The following CSMD1 variants were observed in gnomAD, a reference collection of about 807,000 sequenced individuals.
The protein encoded by CSMD1 is CUB and sushi domain-containing protein 1.
In CSMD1, 213 loss-of-function variants were observed where a neutral mutation model predicts 417.5. The observed-to-expected ratio is 0.51, with a 90% CI of 0.46 to 0.57. The LOEUF (loss-of-function observed/expected upper bound fraction) is 0.57. Among genes scored for constraint, CSMD1 ranks in the 20% least tolerant of loss-of-function variants. CSMD1 has a pLI of 0.00. For missense variants in CSMD1, 6,923 were observed against 4,529.7 expected (o/e 1.53, Z -15.17); for synonymous variants, 2,862 against 1,736.8 (o/e 1.65, Z -16.11).
intron 3 of CSMD1, among the ~76,000 whole-genome samples, chr8:4,061,219 C>G (rs2130738159): frequency 6.6e-6 from 1 of 152,228 alleles, no homozygotes; most frequent in Non-Finnish European, 1.5e-5. Context: ...CCCAGCCCTG[C>G]TGATTAGAGA....
chr8:3,769,684 T>C (rs112401233), intron 5 of CSMD1, among the ~76,000 whole-genome samples: 2 of 152,166 alleles, frequency 1.3e-5, no homozygotes, highest in African/African-American at 4.8e-5. Context: ...ATATATATGA[T>C]GTGTGAATTC....
chr8:3,151,557 TC>T (rs1563089952), intron 39 of CSMD1, 44 bp from the exon 40 acceptor site: 5 of 1,277,616 alleles, frequency 3.9e-6, no homozygotes, highest in Non-Finnish European at 5.6e-6. Flanking sequence ...CCTCACTTTC[TC>T]CCTGGAATCT....
chr8:4,598,572 C>T (rs559429759), intron 2 of CSMD1, among the ~76,000 whole-genome samples: 1 of 152,212 alleles, frequency 6.6e-6, no homozygotes, highest in Non-Finnish European at 1.5e-5. Flanking sequence ...CACATTGGTT[C>T]AAGATTATAA....
intron 3 of CSMD1, among the ~76,000 whole-genome samples, chr8:4,054,101 C>T (rs1009817822): frequency 6.6e-6 from 1 of 152,158 alleles, no homozygotes; most frequent in African/African-American, 2.4e-5. Context: ...ACACCAGCTG[C>T]TAATGGTCTC....
At chr8:4,356,851 GC>G (rs2128904935) in intron 3 of CSMD1, among the ~76,000 whole-genome samples, 1 of 152,206 alleles carries the variant, frequency 6.6e-6, no homozygotes, top group East Asian at 1.9e-4. Flanking sequence ...AGCTATCTCT[GC>G]CCTTTCCTCT....
chr8:4,327,329 G>C (rs577432746), intron 3 of CSMD1, among the ~76,000 whole-genome samples: 44 of 152,242 alleles, frequency 2.9e-4, no homozygotes, highest in African/African-American at 1.0e-3. Flanking sequence ...GCAATTTTAA[G>C]AGAGAATCAG....
intron 6 of CSMD1, among the ~76,000 whole-genome samples, chr8:3,732,586 A>T (rs1796326492): frequency 6.6e-6 from 1 of 152,242 alleles, no homozygotes; most frequent in South Asian, 2.1e-4. Context: ...CAGGCAACGC[A>T]CCATGAAAGC....
At chr8:3,912,381 C>G (rs1233452806) in intron 5 of CSMD1, among the ~76,000 whole-genome samples, 1 of 152,152 alleles carries the variant, frequency 6.6e-6, no homozygotes, top group Non-Finnish European at 1.5e-5. Flanking sequence ...TCAAGGCAAT[C>G]TTCTAGCCAA....
At chr8:3,809,795 TAGGAGAAAATGCACTGTTC>T (rs889289324) in intron 5 of CSMD1, among the ~76,000 whole-genome samples, 40 of 152,202 alleles carry the variant, frequency 2.6e-4, no homozygotes, top group African/African-American at 8.9e-4. Flanking sequence ...TCTATGTCAT[TAGGAGAAAATGCACTGTTC>T]ACATACTGAA....
At chr8:4,039,029 C>T (rs931923710) in intron 3 of CSMD1, among the ~76,000 whole-genome samples, 32 of 147,172 alleles carry the variant, frequency 2.2e-4, no homozygotes, top group African/African-American at 7.7e-4. Context: ...AGTATCTTTC[C>T]AAAAGAAAAG....
At chr8:4,548,298 C>T (rs1797720074) in intron 2 of CSMD1, among the ~76,000 whole-genome samples, 1 of 152,108 alleles carries the variant, frequency 6.6e-6, no homozygotes, top group Admixed American at 6.6e-5. Context: ...TTAATTTAGT[C>T]ATGTATAAGT....
intron 32 of CSMD1, among the ~76,000 whole-genome samples, 180 bp downstream of exon 32, chr8:3,201,432 G>C (rs1220975358): frequency 6.6e-6 from 1 of 152,118 alleles, no homozygotes. Context: ...GATTTTATGT[G>C]TGAGATAAAA....
At chr8:4,557,544 A>G (rs1247078987) in intron 2 of CSMD1, among the ~76,000 whole-genome samples, 1 of 152,100 alleles carries the variant, frequency 6.6e-6, no homozygotes, top group Non-Finnish European at 1.5e-5. Flanking sequence ...TAACAACGTG[A>G]GAATGAAGGC....
intron 3 of CSMD1, among the ~76,000 whole-genome samples, chr8:4,217,128 A>G (rs1272132243): frequency 1.3e-5 from 2 of 152,224 alleles, no homozygotes; most frequent in African/African-American, 4.8e-5. Flanking sequence ...GCTAGTCTAC[A>G]TAGTACTTTG....
At chr8:4,006,823 A>AT (rs759780050) in intron 4 of CSMD1, among the ~76,000 whole-genome samples, 39,655 of 95,476 alleles carry the variant, frequency 0.42, 9,701 homozygotes, top group African/African-American at 0.54. Context: ...GACTTTTCCT[A>AT]TTTTTTTTTT....
intron 12 of CSMD1, among the ~76,000 whole-genome samples, chr8:3,426,998 G>A (rs746507761): frequency 1.3e-5 from 2 of 152,074 alleles, no homozygotes; most frequent in African/African-American, 4.8e-5. Context: ...ATGAAGGAGA[G>A]GAATGCAGGG....
intron 6 of CSMD1, among the ~76,000 whole-genome samples, chr8:3,752,855 C>A (rs1445834649): frequency 6.6e-6 from 1 of 152,102 alleles, no homozygotes; most frequent in African/African-American, 2.4e-5. Flanking sequence ...GCAACTGACC[C>A]TTGTTTCTCT....
At chr8:3,211,785 C>G (rs374387721) in intron 30 of CSMD1, among the ~76,000 whole-genome samples, 135 of 152,362 alleles carry the variant, frequency 8.9e-4, no homozygotes, top group African/African-American at 3.1e-3. Flanking sequence ...GGAGGATCCT[C>G]AAGACCTTGG....
At chr8:4,782,648 T>G (rs2117196074) in intron 1 of CSMD1, among the ~76,000 whole-genome samples, 1 of 152,304 alleles carries the variant, frequency 6.6e-6, no homozygotes, top group South Asian at 2.1e-4. Context: ...CTGTATATTT[T>G]TGTACAATAT....
Sources: gnomAD v4.1 joint callset for allele counts (sites outside exome capture counted in the v4.1 genomes callset) on GRCh38, gnomAD v4.1.1 for gene constraint, MANE v1.5 for transcripts, NCBI Gene and HGNC (gene_info 2026-07-23, HGNC 2026-07-21) for gene names.